Variants in TMEM26 observed in about 807,000 individuals in gnomAD.
TMEM26 encodes the protein transmembrane protein 26.
Under a neutral mutation model 28.8 loss-of-function variants are expected in TMEM26, and 38 were observed. The ratio of observed to expected loss-of-function variants is 1.32; its 90% CI spans 1.02 to 1.73. TMEM26 has a LOEUF of 1.73. Ranked by LOEUF, TMEM26 falls within the 40% of genes most tolerant of loss-of-function variation. The pLI is 0.00. For missense variants in TMEM26, 518 were observed against 447.1 expected, an observed-to-expected ratio of 1.16 and a Z score of -1.43; for synonymous variants, 227 against 182.9, an observed-to-expected ratio of 1.24 and a Z score of -1.95.
rs1839507328 is a variant in TMEM26, at chr10:61,407,145, T to A, written c.*3177A>T. 1 of 152,146 alleles carries A rather than the reference T, an allele frequency of 6.6e-6. No individual in the cohort carries two copies. The highest frequency in any genetic ancestry group is 1.5e-5 in the Non-Finnish European group (1 of 68,008). The allele number at this position is 152,146 out of a possible 1,614,324, so 9.4% of individuals were successfully genotyped here. On this transcript the variant is annotated 3_prime_UTR_variant, in exon 6 of 6. Transcript: ENST00000399298. ...AACAGGAAAAGTTGGTTAAGAATTA[T>A]CAAGAATTAAATACCAAACATTATT... is the stretch of plus-strand genomic sequence containing the variant.
intron 4 of TMEM26, among the ~76,000 whole-genome samples, chr10:61,417,332 A>G (rs1269782012): frequency 6.6e-6 from 1 of 152,044 alleles, no homozygotes; most frequent in African/African-American, 2.4e-5. Flanking sequence ...GGCATTTGGT[A>G]TATCAGCACA....
intron 5 of TMEM26, among the ~76,000 whole-genome samples, chr10:61,411,661 A>G (rs781493351): frequency 6.6e-6 from 1 of 152,252 alleles, no homozygotes; most frequent in Non-Finnish European, 1.5e-5. Flanking sequence ...ATGACTGGAT[A>G]TAATTACTGA....
At chr10:61,437,013 A>C (rs544649466) in intron 1 of TMEM26, among the ~76,000 whole-genome samples, 3 of 152,198 alleles carry the variant, frequency 2.0e-5, no homozygotes, top group African/African-American at 7.2e-5. Context: ...ACAAAATACC[A>C]TAGACTATGT....
chr10:61,448,597 C>T (rs1274135556), intron 1 of TMEM26, among the ~76,000 whole-genome samples: 5 of 150,136 alleles, frequency 3.3e-5, no homozygotes, highest in East Asian at 1.9e-4. Flanking sequence ...AAATGTCGAC[C>T]GTGTTTGTTT....
intron 2 of TMEM26, among the ~76,000 whole-genome samples, chr10:61,434,766 C>T (rs1839976928): frequency 6.6e-6 from 1 of 152,182 alleles, no homozygotes; most frequent in Non-Finnish European, 1.5e-5. Flanking sequence ...GTCCACAGAA[C>T]TAAATTCCCC....
At chr10:61,448,619 G>GTTTTTTTT (rs199499296) in intron 1 of TMEM26, among the ~76,000 whole-genome samples, 7 of 126,592 alleles carry the variant, frequency 5.5e-5, no homozygotes, top group Non-Finnish European at 1.0e-4. Context: ...CTGTTTTTTT[G>GTTTTTTTT]TTTTTTTTTT....
intron 4 of TMEM26, among the ~76,000 whole-genome samples, chr10:61,417,187 C>T (rs1206749550): frequency 1.3e-5 from 2 of 151,846 alleles, no homozygotes; most frequent in Non-Finnish European, 2.9e-5. Context: ...TGTAATCTGC[C>T]TTCACAAATG....
intron 1 of TMEM26, among the ~76,000 whole-genome samples, chr10:61,438,970 GAATT>G (rs1840049360): frequency 6.6e-6 from 1 of 152,134 alleles, no homozygotes; most frequent in Non-Finnish European, 1.5e-5. Flanking sequence ...GAGGGCCCAA[GAATT>G]AATTATATTC....
At chr10:61,410,830 A>G (rs1839558428) in intron 5 of TMEM26, 84 bp from the exon 6 acceptor site, 1 of 1,287,596 alleles carries the variant, frequency 7.8e-7, no homozygotes, top group African/African-American at 1.5e-5. Context: ...GTCATTAACA[A>G]TGGGGACTGT....
chr10:61,419,404 A>G (rs911007958), intron 4 of TMEM26, among the ~76,000 whole-genome samples: 4 of 152,170 alleles, frequency 2.6e-5, no homozygotes, highest in Admixed American at 6.6e-5. Context: ...AGAATGAAAG[A>G]AAACTAAGTT....
intron 1 of TMEM26, among the ~76,000 whole-genome samples, chr10:61,443,448 G>T (rs1302555812): frequency 6.6e-6 from 1 of 150,946 alleles, no homozygotes; most frequent in African/African-American, 2.5e-5. Context: ...CTGGGCAACT[G>T]AGGGAGACTC....
At chr10:61,430,465 A>G (rs1839902504) in intron 3 of TMEM26, among the ~76,000 whole-genome samples, 1 of 151,960 alleles carries the variant, frequency 6.6e-6, no homozygotes, top group Admixed American at 6.6e-5. Flanking sequence ...TAATTCAATA[A>G]GACGAGAAAA....
chr10:61,450,460 T>C (rs1465571717), intron 1 of TMEM26, among the ~76,000 whole-genome samples: 3 of 152,200 alleles, frequency 2.0e-5, no homozygotes, highest in Non-Finnish European at 4.4e-5. Flanking sequence ...ATGTTCTGAT[T>C]TTTTATTCTC....
At chr10:61,412,681 T>C (rs571947116) in intron 5 of TMEM26, among the ~76,000 whole-genome samples, 1 of 152,186 alleles carries the variant, frequency 6.6e-6, no homozygotes, top group Non-Finnish European at 1.5e-5. Context: ...GTGTTCCATA[T>C]TACTGCTGTC....
intron 4 of TMEM26, among the ~76,000 whole-genome samples, chr10:61,426,081 G>A (rs1839826713): frequency 6.6e-6 from 1 of 152,108 alleles, no homozygotes; most frequent in Admixed American, 6.6e-5. Flanking sequence ...TGTGGTATAT[G>A]TGTTTAATGG....
chr10:61,412,093 C>A (rs141113160), intron 5 of TMEM26, among the ~76,000 whole-genome samples: 199 of 152,238 alleles, frequency 1.3e-3, no homozygotes, highest in Non-Finnish European at 2.2e-3. Flanking sequence ...TCAATGGTAG[C>A]CTTTCCTAAG....
At chr10:61,442,141 T>C (rs1840105573) in intron 1 of TMEM26, among the ~76,000 whole-genome samples, 1 of 152,202 alleles carries the variant, frequency 6.6e-6, no homozygotes, top group Non-Finnish European at 1.5e-5. Flanking sequence ...TTTTGTCAGT[T>C]CATTTCATCC....
chr10:61,420,811 A>G (rs1433591960), intron 4 of TMEM26, among the ~76,000 whole-genome samples: 1 of 152,074 alleles, frequency 6.6e-6, no homozygotes, highest in African/African-American at 2.4e-5. Flanking sequence ...AAAGGAAATT[A>G]CACCACATAG....
chr10:61,421,601 G>A (rs1421626798), intron 4 of TMEM26, among the ~76,000 whole-genome samples: 2 of 152,056 alleles, frequency 1.3e-5, no homozygotes, highest in African/African-American at 4.8e-5. Context: ...TGGGGTGAAT[G>A]CCATGTGAAG....
Sources: gnomAD v4.1 joint callset for allele counts (sites outside exome capture counted in the v4.1 genomes callset) on GRCh38, gnomAD v4.1.1 for gene constraint, MANE v1.5 for transcripts, NCBI Gene and HGNC (gene_info 2026-07-23, HGNC 2026-07-21) for gene names.